NCKAP5: variants seen among roughly 807,000 people sequenced by gnomAD.
The protein encoded by NCKAP5 is nck-associated protein 5.
A neutral mutation model predicts 167.0 loss-of-function variants in NCKAP5; 92 were observed. The ratio of observed to expected loss-of-function variants is 0.55; its 90% CI spans 0.47 to 0.66. The LOEUF (loss-of-function observed/expected upper bound fraction) is 0.66. Ranked by LOEUF, NCKAP5 falls within the 30% of genes least tolerant of loss-of-function variation. The pLI, the probability that NCKAP5 is intolerant of heterozygous loss-of-function variation, is 0.00. For missense variants in NCKAP5, 2,378 were observed against 2,315.0 expected, an observed-to-expected ratio of 1.03 and a Z score of -0.56; for synonymous variants, 891 against 877.4, an observed-to-expected ratio of 1.02 and a Z score of -0.27.
At chr2:133,311,017 T>C (rs539690162) in intron 3 of NCKAP5, among the ~76,000 whole-genome samples, 60 of 152,102 alleles carry the variant, frequency 3.9e-4, no homozygotes, top group Non-Finnish European at 6.3e-4. Context: ...ACCAAACAAT[T>C]CTCCAGCAGA....
chr2:133,373,250 G>A (rs558357946), intron 3 of NCKAP5, among the ~76,000 whole-genome samples: 1 of 151,986 alleles, frequency 6.6e-6, no homozygotes, highest in East Asian at 1.9e-4. Context: ...TTAGAGACAG[G>A]GTTTCACCAT....
intron 11 of NCKAP5, among the ~76,000 whole-genome samples, chr2:132,804,921 T>C (rs1685317344): frequency 6.6e-6 from 1 of 151,938 alleles, no homozygotes; most frequent in African/African-American, 2.4e-5. Flanking sequence ...GCTTGCTTTT[T>C]CTATGAAGGG....
rs908537423 is a variant in NCKAP5 at position 133,470,684 on chromosome 2, C to G, written c.69+46774G>C. Among the ~76,000 whole-genome samples, 56 of 152,222 alleles carry G rather than the reference C, an allele frequency of 3.7e-4. 3 individuals carry two copies. Among genetic ancestry groups the G allele is most frequent in the Non-Finnish European group, 7.3e-5 (5 of 68,044 alleles). On this transcript the variant is annotated intron_variant, in intron 3 of 19. Transcript: ENST00000409261. ...CGAGACTCCATGGGCGTAGGACCCTCCAAGCCAGGTGCAGGATATAATCTC... is the reference window on the plus strand; with the variant it reads ...CGAGACTCCATGGGCGTAGGACCCTGCAAGCCAGGTGCAGGATATAATCTC...
chr2:133,301,110 C>A (rs1680360766), intron 4 of NCKAP5, among the ~76,000 whole-genome samples: 1 of 57,078 alleles, frequency 1.8e-5, no homozygotes. Flanking sequence ...CTACAAACCA[C>A]TGCTCAAGGA....
chr2:133,387,518 T>C (rs1190885475), intron 3 of NCKAP5, among the ~76,000 whole-genome samples: 1 of 152,224 alleles, frequency 6.6e-6, no homozygotes, highest in Non-Finnish European at 1.5e-5. Context: ...CTGACAATTA[T>C]GTGTCTTGGA....
chr2:132,734,572 G>A (rs867807685), intron 16 of NCKAP5, among the ~76,000 whole-genome samples: 2 of 152,168 alleles, frequency 1.3e-5, no homozygotes, highest in East Asian at 1.9e-4. Flanking sequence ...AGGGCAGGAC[G>A]TTAGGGGCGC....
intron 19 of NCKAP5, among the ~76,000 whole-genome samples, chr2:132,687,828 C>A (rs1048400920): frequency 6.6e-6 from 1 of 151,964 alleles, no homozygotes; most frequent in Admixed American, 6.6e-5. Context: ...AATAGAATCA[C>A]CCCCTCACAA....
intron 8 of NCKAP5, among the ~76,000 whole-genome samples, chr2:132,936,109 G>C (rs1696832475): frequency 6.6e-6 from 1 of 151,590 alleles, no homozygotes; most frequent in Non-Finnish European, 1.5e-5. Context: ...AGCCTCCCAA[G>C]TAACTGGGAT....
At chr2:133,099,781 T>C (rs1232300250) in intron 6 of NCKAP5, among the ~76,000 whole-genome samples, 1 of 152,232 alleles carries the variant, frequency 6.6e-6, no homozygotes, top group Non-Finnish European at 1.5e-5. Context: ...CCATCCTCTT[T>C]TCTTATTTAA....
At chr2:132,777,635 C>G (rs1258776912) in intron 15 of NCKAP5, among the ~76,000 whole-genome samples, 1 of 152,112 alleles carries the variant, frequency 6.6e-6, no homozygotes, top group Admixed American at 6.5e-5. Context: ...ATTTAGAAAA[C>G]TTTGCAGGCG....
intron 16 of NCKAP5, among the ~76,000 whole-genome samples, chr2:132,771,582 A>G (rs898798439): frequency 3.3e-5 from 5 of 152,030 alleles, no homozygotes; most frequent in Non-Finnish European, 7.4e-5. Flanking sequence ...TGGGCCCTCC[A>G]TTCACTCACC....
intron 2 of NCKAP5, among the ~76,000 whole-genome samples, chr2:133,530,573 T>C (rs1685282804): frequency 6.6e-6 from 1 of 152,190 alleles, no homozygotes; most frequent in South Asian, 2.1e-4. Context: ...GGGTAGTAGA[T>C]TGTTTAATGG....
At chr2:133,569,027 T>C (rs1274392767), upstream of NCKAP5, among the ~76,000 whole-genome samples, 1 of 152,176 alleles carries the variant, frequency 6.6e-6, no homozygotes, top group Non-Finnish European at 1.5e-5. Context: ...CAATTTTTCT[T>C]TTCCTGAGAA....
intron 3 of NCKAP5, among the ~76,000 whole-genome samples, chr2:133,303,476 A>C (rs1680549179): frequency 6.6e-6 from 1 of 152,210 alleles, no homozygotes; most frequent in African/African-American, 2.4e-5. Context: ...TCTTGATTTT[A>C]CTGGTCTTAT....
chr2:133,117,546 G>A (rs1302565981), intron 6 of NCKAP5: 1 of 152,160 alleles, frequency 6.6e-6, no homozygotes. Context: ...TGGGTCTGCA[G>A]AATCTCATAG....
chr2:132,725,664 C>T lies in NCKAP5; in HGVS notation c.5676G>A (p.Arg1892=). Residue 1892 remains arginine, a synonymous_variant, in exon 19 of 20, where the codon AGG becomes AGA. Coordinates refer to ENST00000409261, the MANE Select transcript of NCKAP5 (RefSeq NM_207363.3). The part of the protein sequence containing the change: ...DYGDNGFGAG[R]GQLVKALKSA... ...TCTTCAGTGCTTTCACTAACTGTCC[C>T]CTTCCAGCTCCAAAACCATTATCTC... 1 of 1,612,492 alleles carries T rather than the reference C, an allele frequency of 6.2e-7. No individual in the cohort carries two copies. The highest frequency in any genetic ancestry group is 8.5e-7 in the Non-Finnish European group (1 of 1,179,380).
intron 3 of NCKAP5, among the ~76,000 whole-genome samples, chr2:133,399,798 G>A (rs911593185): frequency 4.0e-5 from 6 of 151,884 alleles, no homozygotes; most frequent in Admixed American, 1.3e-4. Flanking sequence ...AAAAGTAGGG[G>A]GTACTTATGG....
chr2:132,892,002 C>A, intron 8 of NCKAP5, among the ~76,000 whole-genome samples: 1 of 152,144 alleles, frequency 6.6e-6, no homozygotes, highest in East Asian at 1.9e-4. Context: ...TGGCAGTTTC[C>A]TTCAGTCTTT....
chr2:133,389,367 C>T (rs1351946621), intron 3 of NCKAP5, among the ~76,000 whole-genome samples: 1 of 152,182 alleles, frequency 6.6e-6, no homozygotes, highest in East Asian at 1.9e-4. Flanking sequence ...TTATCTCAGA[C>T]TGATTATCCC....
Sources: gnomAD v4.1 joint callset for allele counts (sites outside exome capture counted in the v4.1 genomes callset) on GRCh38, gnomAD v4.1.1 for gene constraint, MANE v1.5 for transcripts, NCBI Gene and HGNC (gene_info 2026-07-23, HGNC 2026-07-21) for gene names.